Variants in YEATS2 observed in about 807,000 individuals in gnomAD.
YEATS2 encodes the protein YEATS domain containing 2, also known as YEATS domain-containing protein 2.
YEATS2 carries 77 observed loss-of-function variants against 163.2 expected under a neutral mutation model. The ratio of observed to expected loss-of-function variants is 0.47; its 90% CI spans 0.39 to 0.57. YEATS2 has a LOEUF of 0.57. Ranked by LOEUF, YEATS2 falls within the 20% of genes least tolerant of loss-of-function variation. The pLI, the probability that YEATS2 is intolerant of heterozygous loss-of-function variation, is 0.00. For missense variants in YEATS2, 1,549 were observed against 1,729.8 expected (o/e 0.90, Z 1.85); for synonymous variants, 631 against 645.1 (o/e 0.98, Z 0.33).
chr3:183,760,817 G>T (rs1721272353), intron 13 of YEATS2, among the ~76,000 whole-genome samples: 1 of 152,140 alleles, frequency 6.6e-6, no homozygotes, highest in African/African-American at 2.4e-5. Context: ...CATTGCAGCT[G>T]CCTGTTTCTT....
intron 1 of YEATS2, among the ~76,000 whole-genome samples, chr3:183,698,565 A>G (rs1046649284): frequency 1.3e-5 from 2 of 152,252 alleles, no homozygotes; most frequent in African/African-American, 2.4e-5. Context: ...GCCAGACTGC[A>G]GAAGACAATG....
intron 9 of YEATS2, among the ~76,000 whole-genome samples, chr3:183,751,209 C>A (rs916222378): frequency 6.6e-6 from 1 of 152,192 alleles, no homozygotes; most frequent in Admixed American, 6.5e-5. Context: ...ACTGTCTTTT[C>A]CCCCACTGAA....
chr3:183,724,595 C>G (rs775685008), intron 6 of YEATS2, 64 bp downstream of exon 6: 504 of 1,215,600 alleles, frequency 4.1e-4, no homozygotes, highest in Middle Eastern at 2.6e-3. Flanking sequence ...CATTAATACT[C>G]TTACAGTGTT....
Position 183,812,242 on chromosome 3 carries a change from G to T in YEATS2, c.*1659G>T, listed in dbSNP as rs1258772194. ...CAGAGGAGACCCCGTCTCAAAAATT[G>T]ATTGATCAATTCAGCATCTGAGGGC... On this transcript the variant is annotated 3_prime_UTR_variant, in exon 31 of 31. Transcript: ENST00000305135. 1.3e-5 allele frequency: 2 copies of T among 152,168 alleles called. No homozygotes were observed. The highest frequency in any genetic ancestry group is 4.8e-5 in the African/African-American group (2 of 41,430). The allele number at this position is 152,168 out of a possible 1,614,324, so 9.4% of individuals were successfully genotyped here. A position where few individuals can be genotyped will look rare whatever the true frequency, so the allele number is the denominator to read the frequency against.
chr3:183,781,967 T>TGTC (rs1330831717), intron 19 of YEATS2, among the ~76,000 whole-genome samples: 1 of 152,188 alleles, frequency 6.6e-6, no homozygotes, highest in Non-Finnish European at 1.5e-5. Context: ...GATTAGCTTT[T>TGTC]GTCTTTCTTG....
At chr3:183,783,526 C>G (rs1398270090) in intron 19 of YEATS2, among the ~76,000 whole-genome samples, 2 of 152,100 alleles carry the variant, frequency 1.3e-5, no homozygotes, top group Admixed American at 6.6e-5. Context: ...GCATCATACC[C>G]AATAGTTAGT....
chr3:183,720,451 G>T (rs1483101554), intron 4 of YEATS2, among the ~76,000 whole-genome samples: 2 of 152,134 alleles, frequency 1.3e-5, no homozygotes, highest in African/African-American at 4.8e-5. Flanking sequence ...CTCTGGAGCA[G>T]TGCTGGCTCA....
intron 28 of YEATS2, 32 bp downstream of exon 28, chr3:183,807,124 C>T: frequency 6.4e-7 from 1 of 1,571,004 alleles, no homozygotes; most frequent in Non-Finnish European, 8.7e-7. Context: ...GTTCATGCAG[C>T]AGACCAGCTC....
chr3:183,807,908 A>G (rs1387703965), intron 28 of YEATS2, 122 bp from the exon 29 acceptor site: 1 of 689,026 alleles, frequency 1.5e-6, no homozygotes, highest in Non-Finnish European at 2.5e-6. Flanking sequence ...TTTGCCCAAT[A>G]TGTTTGCAGA....
intron 21 of YEATS2, among the ~76,000 whole-genome samples, chr3:183,793,901 C>G (rs1003717894): frequency 2.3e-4 from 35 of 152,188 alleles, no homozygotes; most frequent in African/African-American, 8.2e-4. Context: ...GCGTGAGCCA[C>G]CGCACCCAGC....
In YEATS2 at chr3:183,732,653, G is replaced by A. The variant is rs558207887; in HGVS notation, c.812+3802G>A. On this transcript the variant is annotated intron_variant, in intron 7 of 30. Transcript: ENST00000305135. Reference sequence around the variant, plus strand: ...TGGCTCACTGCAAGCTCCGCCTCCCGGGTTCACGCCGTTCTCCTGCCTCAG... The same window carrying A: ...TGGCTCACTGCAAGCTCCGCCTCCCAGGTTCACGCCGTTCTCCTGCCTCAG... Among the ~76,000 whole-genome samples, 8 of 151,474 alleles carry A rather than the reference G, an allele frequency of 5.3e-5. No homozygotes were observed. The South Asian group carries it at 1.5e-3, about 28-fold the overall frequency.
rs957191395 is a variant in YEATS2, at chr3:183,786,439, A to T, written c.2913+138A>T. ...CTTTTTTTTTTAAAGAAATATTCAC[A>T]TACCATAAAAGTCCCCATTTTGTAG... On this transcript the variant is annotated intron_variant, in intron 20 of 30. Transcript: ENST00000305135. 19 of 844,726 alleles carry T rather than the reference A, an allele frequency of 2.2e-5. No individual in the cohort carries two copies. In the East Asian group the frequency reaches 3.8e-4, roughly 17 times the overall value. 52.3% of individuals were successfully genotyped at this position (844,726 alleles called of 1,614,324 possible).
chr3:183,737,799 G>A (rs1010853244), intron 8 of YEATS2, among the ~76,000 whole-genome samples: 3 of 152,178 alleles, frequency 2.0e-5, no homozygotes, highest in East Asian at 1.9e-4. Flanking sequence ...CTTATAAGAA[G>A]TGAAACACAG....
intron 12 of YEATS2, 44 bp downstream of exon 12, chr3:183,756,733 T>C: frequency 7.5e-7 from 1 of 1,332,784 alleles, no homozygotes; most frequent in Non-Finnish European, 9.7e-7. Context: ...GGGTTTGATC[T>C]TTATTAAAAA....
intron 26 of YEATS2, chr3:183,803,781 A>C (rs936030168): frequency 5.0e-6 from 3 of 596,670 alleles, no homozygotes; most frequent in Admixed American, 3.2e-5. Context: ...CTTAAAGGCC[A>C]AACCTAGGAG....
At chr3:183,706,159 G>T (rs76912749) in intron 1 of YEATS2, among the ~76,000 whole-genome samples, 20,585 of 152,060 alleles carry the variant, frequency 0.14, 1,807 homozygotes, top group South Asian at 0.19. Flanking sequence ...GAAGGCCCCT[G>T]ATAAGGGGGA....
Position 183,745,485 on chromosome 3 carries a change from C to A in YEATS2, c.925-2187C>A, listed in dbSNP as rs1033597722. 2.6e-5 allele frequency among the ~76,000 whole-genome samples: 4 copies of A among 152,112 alleles called. No individual in the cohort carries two copies. The South Asian group carries it at 8.3e-4, about 31-fold the overall frequency. ...TCCTTGGGTCTTTTTTAATGCTCTT[C>A]CCCTCCTCAGATGCTTGTCTGAATT... On this transcript the variant is annotated intron_variant, in intron 8 of 30. Transcript: ENST00000305135.
At chr3:183,806,487 T>C (rs1420862795) in intron 27 of YEATS2, 4 of 438,176 alleles carry the variant, frequency 9.1e-6, no homozygotes, top group Non-Finnish European at 1.8e-5. Context: ...GCAGTGAGAA[T>C]AGGGGTGATT....
intron 17 of YEATS2, among the ~76,000 whole-genome samples, chr3:183,774,248 G>A (rs544831515): frequency 6.6e-6 from 1 of 152,320 alleles, no homozygotes; most frequent in Non-Finnish European, 1.5e-5. Flanking sequence ...GAGCATGGAC[G>A]AAGAAGCATT....
Sources: allele counts gnomAD v4.1 joint callset (sites outside exome capture counted in the v4.1 genomes callset), GRCh38; gene constraint gnomAD v4.1.1; transcripts MANE v1.5; gene names NCBI Gene and HGNC (gene_info 2026-07-23, HGNC 2026-07-21).